PLET1: variants seen among roughly 807,000 people sequenced by gnomAD.
The protein encoded by PLET1 is placenta expressed transcript 1, also known as placenta-expressed transcript 1 protein.
PLET1 carries 20 observed loss-of-function variants against 18.5 expected under a neutral mutation model. The ratio of observed to expected loss-of-function variants is 1.08; its 90% CI spans 0.76 to 1.57. PLET1 has a LOEUF of 1.57. PLET1 is among the 40% of genes most tolerant of loss of function. PLET1 has a pLI of 0.00. For missense variants in PLET1, 256 were observed against 246.4 expected (o/e 1.04, Z -0.26); for synonymous variants, 93 against 93.8 (o/e 0.99, Z 0.05).
intron 1 of PLET1, among the ~76,000 whole-genome samples, 159 bp from the exon 2 acceptor site, chr11:112,255,748 T>G (rs1227631816): frequency 1.3e-5 from 2 of 152,200 alleles, no homozygotes; most frequent in Non-Finnish European, 2.9e-5. Flanking sequence ...AAGTTGAAAG[T>G]CTGGAAGGAA....
At position 112,248,788 on chromosome 11, in the gene PLET1, C is replaced by G; in HGVS notation, c.*11G>C. On this transcript the variant is annotated 3_prime_UTR_variant, in exon 4 of 4. Transcript: ENST00000338832. ...AGTGGAGGCAGAAACAATTGTTTCC[C>G]TGGCTTCCCTTTAGAAGAGAAGTGT... 1 of 1,550,806 alleles carries G rather than the reference C, an allele frequency of 6.4e-7. No homozygotes were observed. The highest frequency in any genetic ancestry group is 8.7e-7 in the Non-Finnish European group (1 of 1,146,460).
At chr11:112,258,281 CTTTTTTT>C in intron 1 of PLET1, among the ~76,000 whole-genome samples, 1 of 97,702 alleles carries the variant, frequency 1.0e-5, no homozygotes, top group African/African-American at 3.7e-5. Flanking sequence ...TTCTTTCTTT[CTTTTTTT>C]TTTTTTTTTT....
chr11:112,260,289 G>T, intron 1 of PLET1, 117 bp downstream of exon 1: 2 of 1,010,828 alleles, frequency 2.0e-6, no homozygotes, highest in Non-Finnish European at 2.8e-6. Context: ...CTTCCCATTT[G>T]GTTCAGAAGA....
intron 3 of PLET1, among the ~76,000 whole-genome samples, chr11:112,249,963 T>TAAAAAA (rs61227342): frequency 1.9e-5 from 2 of 105,496 alleles, no homozygotes; most frequent in African/African-American, 3.7e-5. Flanking sequence ...TCTCAAAAAT[T>TAAAAAA]AAAAAAAAAA....
At chr11:112,249,409 C>T (rs541068109) in intron 3 of PLET1, among the ~76,000 whole-genome samples, 1 of 152,254 alleles carries the variant, frequency 6.6e-6, no homozygotes, top group South Asian at 2.1e-4. Context: ...GAACCAGATC[C>T]AATCCAGACC....
intron 2 of PLET1, among the ~76,000 whole-genome samples, chr11:112,254,535 GTA>G (rs796868680): frequency 1.7e-3 from 208 of 124,680 alleles, no homozygotes; most frequent in African/African-American, 6.1e-3. Context: ...TATGTGTGTG[GTA>G]TGTGTGTGTG....
At chr11:112,250,220 C>CTTTTTTTTTTTTTTTTTTTT (rs33963716) in intron 3 of PLET1, among the ~76,000 whole-genome samples, 14 of 49,868 alleles carry the variant, frequency 2.8e-4, no homozygotes, top group Non-Finnish European at 2.4e-4. Flanking sequence ...AGAAACAAAC[C>CTTTTTTTTTTTTTTTTTTTT]TTTTTTTTTT....
chr11:112,249,983 A>G (rs1032974065), intron 3 of PLET1, among the ~76,000 whole-genome samples: 1 of 147,664 alleles, frequency 6.8e-6, no homozygotes, highest in African/African-American at 2.5e-5. Context: ...AAAAAAAAAA[A>G]AGGAAAAGGA....
rs1860218510 is a variant in PLET1 at position 112,255,694 on chromosome 11, C to T, written c.185-105G>A. The T allele has an allele frequency of 7.2e-5, 70 of 971,734 alleles. 2 individuals carry two copies. In the South Asian group the frequency reaches 9.6e-4, roughly 13 times the overall value. The allele number at this position is 971,734 out of a possible 1,614,324, so 60.2% of individuals were successfully genotyped here. On this transcript the variant is annotated intron_variant, in intron 1 of 3. Coordinates refer to ENST00000338832, the MANE Select transcript of PLET1 (RefSeq NM_001145024.1). The stretch of plus-strand genomic sequence containing the variant: ...AACAAAGCGTGAAACAAGAAAGTTA[C>T]AAAGAATATGCACATCGAGTATATG...
chr11:112,250,908 T>C (rs1415815129), intron 3 of PLET1, among the ~76,000 whole-genome samples: 2 of 152,234 alleles, frequency 1.3e-5, no homozygotes, highest in Non-Finnish European at 2.9e-5. Context: ...AGTTAAGACA[T>C]TCATATAATA....
At chr11:112,257,100 T>C (rs570904836) in intron 1 of PLET1, among the ~76,000 whole-genome samples, 1 of 152,370 alleles carries the variant, frequency 6.6e-6, no homozygotes, top group South Asian at 2.1e-4. Flanking sequence ...TCTGCTTTTA[T>C]ATTTTTGCCT....
At chr11:112,259,314 A>T (rs962584324) in intron 1 of PLET1, among the ~76,000 whole-genome samples, 1 of 152,230 alleles carries the variant, frequency 6.6e-6, no homozygotes, top group African/African-American at 2.4e-5. Context: ...AGCAAGAGTC[A>T]CTTAGCATCT....
At chr11:112,250,925 T>C (rs769439811) in intron 3 of PLET1, among the ~76,000 whole-genome samples, 13 of 152,240 alleles carry the variant, frequency 8.5e-5, no homozygotes, top group Non-Finnish European at 2.9e-5. Context: ...AATAGTTTCA[T>C]TAGGCATAAT....
At chr11:112,249,963 TAAAAA>T (rs61227342) in intron 3 of PLET1, among the ~76,000 whole-genome samples, 2 of 105,494 alleles carry the variant, frequency 1.9e-5, no homozygotes, top group African/African-American at 3.7e-5. Flanking sequence ...TCTCAAAAAT[TAAAAA>T]AAAAAAAAAA....
intron 3 of PLET1, among the ~76,000 whole-genome samples, chr11:112,250,495 A>G (rs1860145091): frequency 6.6e-6 from 1 of 152,162 alleles, no homozygotes; most frequent in African/African-American, 2.4e-5. Context: ...TTACGCTTTG[A>G]TGGACTTACA....
chr11:112,260,659 T>A lies in PLET1; in HGVS notation c.-70A>T. 1 of 1,349,900 alleles carries A rather than the reference T, an allele frequency of 7.4e-7. No homozygotes were observed. Among genetic ancestry groups the A allele is most frequent in the Non-Finnish European group, 1.0e-6 (1 of 986,268 alleles). The allele number at this position is 1,349,900 out of a possible 1,614,324, so 83.6% of individuals were successfully genotyped here. A position where few individuals can be genotyped will look rare whatever the true frequency, so the allele number is the denominator to read the frequency against. ...ACTGACAACTCACCTCTTGTTTATATGCCAGGGCTTCTGGGTGAAGTCATA... is the reference window on the plus strand; with the variant it reads ...ACTGACAACTCACCTCTTGTTTATAAGCCAGGGCTTCTGGGTGAAGTCATA... On this transcript the variant is annotated 5_prime_UTR_variant, in exon 1 of 4. Transcript: ENST00000338832.
chr11:112,253,863 C>T lies in PLET1; in HGVS notation c.387-1454G>A, dbSNP rs1187448076. On this transcript the variant is annotated intron_variant, in intron 2 of 3. Coordinates refer to ENST00000338832, the MANE Select transcript of PLET1 (RefSeq NM_001145024.1). ...AGCTGACACAGCCTGAGGGTCAGACCGGCCCTTTCAGTACAGAATGGAATC... is the reference window on the plus strand; with the variant it reads ...AGCTGACACAGCCTGAGGGTCAGACTGGCCCTTTCAGTACAGAATGGAATC... Among the ~76,000 whole-genome samples the T allele has an allele frequency of 3.3e-5, 5 of 152,262 alleles. No homozygotes were observed. The East Asian group carries it at 5.8e-4, about 18-fold the overall frequency.
At chr11:112,255,715 A>G in intron 1 of PLET1, 126 bp from the exon 2 acceptor site, 1 of 770,896 alleles carries the variant, frequency 1.3e-6, no homozygotes, top group South Asian at 1.6e-5. Flanking sequence ...CACATCGAGT[A>G]TATGGTCTCA....
intron 1 of PLET1, among the ~76,000 whole-genome samples, chr11:112,259,034 G>A (rs1397434169): frequency 1.3e-5 from 2 of 152,166 alleles, no homozygotes; most frequent in African/African-American, 4.8e-5. Context: ...ACAGCTGGCT[G>A]GATAAAAAGC....
Sources: allele counts gnomAD v4.1 joint callset (sites outside exome capture counted in the v4.1 genomes callset), GRCh38; gene constraint gnomAD v4.1.1; transcripts MANE v1.5; gene names NCBI Gene and HGNC (gene_info 2026-07-23, HGNC 2026-07-21).